HCFC1: variants seen among roughly 807,000 people sequenced by gnomAD.
HCFC1 encodes host cell factor 1.
HCFC1 carries 7 observed loss-of-function variants against 105.5 expected under a neutral mutation model. That is an observed-to-expected ratio of 0.07 (90% CI 0.04 to 0.12). The LOEUF is 0.12. Ranked by LOEUF, HCFC1 falls within the 10% of genes least tolerant of loss-of-function variation. HCFC1 has a pLI of 1.00. For missense variants in HCFC1, 1,065 were observed against 1,823.6 expected, an observed-to-expected ratio of 0.58 and a Z score of 7.58; for synonymous variants, 918 against 828.1, an observed-to-expected ratio of 1.11 and a Z score of -1.86.
At chrX:153,951,120 C>T in intron 22 of HCFC1, 122 bp from the exon 23 acceptor site, 1 of 757,941 alleles carries the variant, frequency 1.3e-6, no homozygotes, top group Non-Finnish European at 2.0e-6. Flanking sequence ...GTGGCTGGCC[C>T]CTCACGGCAA....
At chrX:153,953,810 C>T (rs782629224) in intron 17 of HCFC1, 40 bp from the exon 18 acceptor site, 2 of 1,159,642 alleles carry the variant, frequency 1.7e-6, no homozygotes, top group South Asian at 1.9e-5. Context: ...AGCAGGAGCC[C>T]CCCCGGCCTG....
chrX:153,951,759 A>G (rs782340703), intron 20 of HCFC1, 52 bp from the exon 21 acceptor site: 25 of 1,174,311 alleles, frequency 2.1e-5, no homozygotes, highest in Non-Finnish European at 2.7e-5. Context: ...CTGGCTCCCA[A>G]GTGAGACCGA....
At chrX:153,956,134 C>T (rs782294136) in intron 16 of HCFC1, 57 bp downstream of exon 16, 14 of 1,065,353 alleles carry the variant, frequency 1.3e-5, no homozygotes, top group Middle Eastern at 3.5e-4. Context: ...GTGAGCCTCA[C>T]GTGCTTCCAC....
intron 5 of HCFC1, 150 bp from the exon 6 acceptor site, chrX:153,961,798 C>T (rs1346266423): frequency 6.4e-6 from 3 of 468,742 alleles, no homozygotes; most frequent in Non-Finnish European, 1.1e-5. Context: ...GTGGCCCTCT[C>T]CTGCCTGGTG....
intron 1 of HCFC1, among the ~76,000 whole-genome samples, chrX:153,967,762 A>G (rs1367637013): frequency 1.3e-4 from 14 of 111,935 alleles, no homozygotes; most frequent in African/African-American, 4.6e-4. Context: ...AAGGGTGAAC[A>G]GGATTTCCCG....
rs1418752822 is a variant in HCFC1 at position 153,971,455 on chromosome X, C to T, written c.-615G>A. On this transcript the variant is annotated 5_prime_UTR_variant, in exon 1 of 26. Transcript: ENST00000310441. ...ACACACCTAACGAATGGAGGCGGGC[C>T]GGAGGCCGGTGGAACCAGCTCGAGC... 1.7e-5 allele frequency: 5 copies of T among 293,932 alleles called. No homozygotes were observed. The South Asian group carries it at 6.8e-4, about 40-fold the overall frequency. The allele number at this position is 293,932 out of a possible 1,213,427, so 24.2% of individuals were successfully genotyped here.
chrX:153,966,505 C>T (rs1023397376), intron 1 of HCFC1, among the ~76,000 whole-genome samples: 1 of 112,778 alleles, frequency 8.9e-6, no homozygotes, highest in Non-Finnish European at 1.9e-5. Context: ...GTGCAAAAAC[C>T]ACCCCAGAAA....
At chrX:153,963,994 T>C in intron 3 of HCFC1, 130 bp downstream of exon 3, 1 of 524,392 alleles carries the variant, frequency 1.9e-6, no homozygotes, top group Admixed American at 4.8e-5. Flanking sequence ...CTCTCTCATT[T>C]ACAACCCAGC....
At position 153,950,500 on chromosome X, in the gene HCFC1, G is replaced by A. The variant is rs2148556620; in HGVS notation, c.5747C>T (p.Thr1916Ile). The change falls in exon 24 of 26, where the codon ACC becomes ATC. Residue 1916 changes from threonine (T) to isoleucine (I), a missense_variant. Physicochemically the swap from Thr to Ile is moderately conservative, Grantham distance 89 (BLOSUM62 -1). This residue lies in a region of HCFC1 where 32 missense variants were observed against 68.3 expected (regional missense o/e 0.47). Coordinates refer to ENST00000310441, the MANE Select transcript of HCFC1 (RefSeq NM_005334.3). Reference sequence around the variant, plus strand: ...GGAGTACTCGATAATCTTGCCGGAGGTCACAGAGGGTGGCTCCCAGGTGAG... The same window carrying A: ...GGAGTACTCGATAATCTTGCCGGAGATCACAGAGGGTGGCTCCCAGGTGAG... ...AHLTWEPPSVTSGKIIEYSVY... is the reference protein window; with the variant it reads ...AHLTWEPPSVISGKIIEYSVY... The A allele has an allele frequency of 8.5e-7, 1 of 1,181,884 alleles. No homozygotes were observed. Among genetic ancestry groups the A allele is most frequent in the African/African-American group, 1.7e-5 (1 of 57,342 alleles).
At position 153,959,978 on chromosome X, in the gene HCFC1, T is replaced by G. The variant is rs1557116309; in HGVS notation, c.1268A>C (p.Asn423Thr). 1 of 1,210,246 alleles carries G rather than the reference T, an allele frequency of 8.3e-7. No individual in the cohort carries two copies. The highest frequency in any genetic ancestry group is 1.7e-5 in the African/African-American group (1 of 57,497). ...TGCTGGGGCAGGGCTCTTGGGAGGGTTGGCAGGCACAGATGGGACCGGATT... is the reference window on the plus strand; with the variant it reads ...TGCTGGGGCAGGGCTCTTGGGAGGGGTGGCAGGCACAGATGGGACCGGATT... ...TPNPVPSVPANPPKSPAPAAA... is the reference protein window; with the variant it reads ...TPNPVPSVPATPPKSPAPAAA... The change falls in exon 8 of 26, where the codon AAC becomes ACC. Residue 423 changes from asparagine (N) to threonine (T), a missense_variant. Asn to Thr is a moderately conservative substitution (Grantham distance 65). Coordinates refer to ENST00000310441, the MANE Select transcript of HCFC1 (RefSeq NM_005334.3).
intron 1 of HCFC1, among the ~76,000 whole-genome samples, chrX:153,968,778 C>A (rs1304121823): frequency 8.9e-6 from 1 of 112,952 alleles, no homozygotes; most frequent in African/African-American, 3.2e-5. Context: ...CATTTCCCTG[C>A]CAGGGAGCCT....
In HCFC1 at chrX:153,949,253, C is replaced by CGAAT; in HGVS notation, c.*90_*93dup. 1 of 611,553 alleles carries CGAAT rather than the reference C, an allele frequency of 1.6e-6. No individual in the cohort carries two copies. The highest frequency in any genetic ancestry group is 2.5e-6 in the Non-Finnish European group (1 of 395,938). 50.4% of individuals were successfully genotyped at this position (611,553 alleles called of 1,213,427 possible). A position where few individuals can be genotyped will look rare whatever the true frequency, so the allele number is the denominator to read the frequency against. ...AACAGCGGCTCGCGAGGGTGAAGTGCGAATGCTGGGACGGGGTGGGAGGGG... is the reference window on the plus strand; with the variant it reads ...AACAGCGGCTCGCGAGGGTGAAGTGCGAATGAATGCTGGGACGGGGTGGGAGGGG... On this transcript the variant is annotated 3_prime_UTR_variant, in exon 26 of 26. Transcript: ENST00000310441.
chrX:153,955,164 G>A lies in HCFC1; in HGVS notation c.3235C>T (p.Pro1079Ser). Reference protein sequence around the residue: ...GSVVRVCSNPPCETHETGTTN... With the variant: ...GSVVRVCSNPSCETHETGTTN... ...GTGCCCGTCTCGTGGGTCTCGCAGGGCGGGTTCGAACAGACTCGGACCACG... is the reference window on the plus strand; with the variant it reads ...GTGCCCGTCTCGTGGGTCTCGCAGGACGGGTTCGAACAGACTCGGACCACG... Residue 1079 changes from proline to serine, a missense_variant, in exon 17 of 26, where the codon CCC becomes TCC. Physicochemically the swap from Pro to Ser is moderately conservative, Grantham distance 74. Around this residue, in one of 17 missense-constraint regions of HCFC1, gnomAD observed 546 missense variants for 599.9 expected, o/e 0.91. Coordinates refer to ENST00000310441, the MANE Select transcript of HCFC1 (RefSeq NM_005334.3). 2.5e-6 allele frequency: 3 copies of A among 1,211,660 alleles called. No homozygotes were observed. Among genetic ancestry groups the A allele is most frequent in the Non-Finnish European group, 3.4e-6 (3 of 895,368 alleles).
Position 153,959,892 on chromosome X carries a change from C to G in HCFC1, c.1354G>C (p.Ala452Pro). 8.3e-7 allele frequency: 1 copy of G among 1,200,659 alleles called. No individual in the cohort carries two copies. Among genetic ancestry groups the G allele is most frequent in the Non-Finnish European group, 1.1e-6 (1 of 888,057 alleles). ...GTGGTGGTGGTCGGGGGTGCGGGGG[C>G]AGCCTGGGGCAGGAGCGTGATGCCT... ...QVGITLLPQA[A>P]PAPPTTTTIQ... Residue 452 changes from alanine (A) to proline (P), a missense_variant, in exon 8 of 26, where the codon GCC becomes CCC. Ala to Pro is a conservative substitution (Grantham distance 27). This residue lies in a region of HCFC1 where 101 missense variants were observed against 155.1 expected (regional missense o/e 0.65). Coordinates refer to ENST00000310441, the MANE Select transcript of HCFC1 (RefSeq NM_005334.3).
In HCFC1 at chrX:153,971,254, A is replaced by AC. The variant is rs1278025307; in HGVS notation, c.-415dup. The AC allele has an allele frequency of 3.3e-6, 1 of 302,573 alleles. No individual in the cohort carries two copies. Among genetic ancestry groups the AC allele is most frequent in the Non-Finnish European group, 5.7e-6 (1 of 174,857 alleles). The allele number at this position is 302,573 out of a possible 1,213,427, so 24.9% of individuals were successfully genotyped here. A position where few individuals can be genotyped will look rare whatever the true frequency, so the allele number is the denominator to read the frequency against. On this transcript the variant is annotated 5_prime_UTR_variant, in exon 1 of 26. Coordinates refer to ENST00000310441, the MANE Select transcript of HCFC1 (RefSeq NM_005334.3). ...GGCGGAGCCCCGGCCCGGTTCCCAC[A>AC]CCCCCAAGTCCCCAGCACTGGCCGG...
Position 153,963,210 on chromosome X carries a change from T to C in HCFC1, c.712+15A>G. 3 of 1,187,069 alleles carry C rather than the reference T, an allele frequency of 2.5e-6. No homozygotes were observed. The highest frequency in any genetic ancestry group is 3.4e-6 in the Non-Finnish European group (3 of 875,104). On this transcript the variant is annotated intron_variant, in intron 4 of 25. Transcript: ENST00000310441. ...CTTTGTCCCATGGCTGCTGGGGTGC[T>C]ACCACCCTGCTCACCAATATCTAGG...
intron 22 of HCFC1, 149 bp from the exon 23 acceptor site, chrX:153,951,147 G>C: frequency 1.5e-6 from 1 of 681,887 alleles, no homozygotes; most frequent in Non-Finnish European, 2.3e-6. Flanking sequence ...ACGTGGCGAG[G>C]CTGACTGTGG....
chrX:153,970,703 C>T lies in HCFC1; in HGVS notation c.138G>A (p.Val46=), dbSNP rs782634164. 2 of 1,207,992 alleles carry T rather than the reference C, an allele frequency of 1.7e-6. No individual in the cohort carries two copies. Among genetic ancestry groups the T allele is most frequent in the Non-Finnish European group, 2.2e-6 (2 of 894,156 alleles). Residue 46 remains valine (V), a synonymous_variant, in exon 1 of 26, where the codon GTG becomes GTA. Coordinates refer to ENST00000310441, the MANE Select transcript of HCFC1 (RefSeq NM_005334.3). ...HRAVAIKELI[V]VFGGGNEGIV... ...TTCCCTCGTTGCCGCCGCCAAACAC[C>T]ACGATGAGCTCCTTGATGGCCACGG...
In HCFC1 at chrX:153,959,730, C is replaced by T. The variant is rs1603297045; in HGVS notation, c.1444+72G>A. ...TGCTGTCTAGGCTGCCGTCTCGCAGCCCCTACTTGGCCGCTGCCTCTCCCC... is the reference window on the plus strand; with the variant it reads ...TGCTGTCTAGGCTGCCGTCTCGCAGTCCCTACTTGGCCGCTGCCTCTCCCC... On this transcript the variant is annotated intron_variant, in intron 8 of 25. Transcript: ENST00000310441. 4 of 1,121,568 alleles carry T rather than the reference C, an allele frequency of 3.6e-6. No individual in the cohort carries two copies. In the Admixed American group the frequency reaches 9.0e-5, roughly 25 times the overall value. 92.4% of individuals were successfully genotyped at this position (1,121,568 alleles called of 1,213,427 possible). A position where few individuals can be genotyped will look rare whatever the true frequency, so the allele number is the denominator to read the frequency against.
Sources: gnomAD v4.1 joint callset for allele counts (sites outside exome capture counted in the v4.1 genomes callset) on GRCh38, gnomAD v4.1.1 for gene constraint, gnomAD v4.1.1 regional missense constraint, MANE v1.5 for transcripts, NCBI Gene and HGNC (gene_info 2026-07-23, HGNC 2026-07-21) for gene names.